PDE4D: variants seen among roughly 807,000 people sequenced by gnomAD.
PDE4D encodes 3',5'-cyclic-AMP phosphodiesterase 4D.
Under a neutral mutation model 87.4 loss-of-function variants are expected in PDE4D, and 24 were observed. The ratio of observed to expected loss-of-function variants is 0.27; its 90% CI spans 0.20 to 0.39. PDE4D has a LOEUF of 0.39. Among genes scored for constraint, PDE4D ranks in the 10% least tolerant of loss-of-function variants. The pLI, the probability that PDE4D is intolerant of heterozygous loss-of-function variation, is 1.00. For synonymous variants in PDE4D, 384 were observed against 383.2 expected (o/e 1.00, Z -0.02); for missense variants, 714 against 1,041.0 (o/e 0.69, Z 4.32).
intron 3 of PDE4D, among the ~76,000 whole-genome samples, chr5:59,958,013 CAAATT>C (rs1481775651): frequency 6.6e-6 from 1 of 152,054 alleles, no homozygotes; most frequent in Non-Finnish European, 1.5e-5. Context: ...TTTAAATAGA[CAAATT>C]AGAGCCTTTG....
chr5:59,244,559 C>CAT (rs1758375276), intron 1 of PDE4D, among the ~76,000 whole-genome samples: 1 of 148,666 alleles, frequency 6.7e-6, no homozygotes, highest in Non-Finnish European at 1.5e-5. Flanking sequence ...TATATGTATA[C>CAT]GTGTACACAC....
chr5:60,187,478 C>T (rs1427667009), intron 1 of PDE4D, among the ~76,000 whole-genome samples: 1 of 152,100 alleles, frequency 6.6e-6, no homozygotes, highest in Non-Finnish European at 1.5e-5. Flanking sequence ...AATTATTCAT[C>T]CAGGATTTAA....
intron 1 of PDE4D, among the ~76,000 whole-genome samples, chr5:59,418,055 A>C (rs1793904257): frequency 6.6e-6 from 1 of 152,178 alleles, no homozygotes; most frequent in Non-Finnish European, 1.5e-5. Flanking sequence ...ATTAGTTACC[A>C]CCTTATTACC....
intron 2 of PDE4D, among the ~76,000 whole-genome samples, chr5:59,202,565 G>T (rs1312152238): frequency 2.0e-5 from 3 of 151,724 alleles, no homozygotes; most frequent in African/African-American, 7.3e-5. Context: ...TTGAGATGGG[G>T]TTCTCATCTT....
At chr5:60,468,164 G>A (rs1355548422) in intron 1 of PDE4D, among the ~76,000 whole-genome samples, 2 of 86,430 alleles carry the variant, frequency 2.3e-5, no homozygotes, top group African/African-American at 7.2e-5. Flanking sequence ...TTTGAGACAA[G>A]GTCCTGCTCT....
chr5:59,627,965 T>C (rs192373659), intron 1 of PDE4D, among the ~76,000 whole-genome samples: 46 of 152,314 alleles, frequency 3.0e-4, no homozygotes, highest in Non-Finnish European at 4.7e-4. Context: ...CTTAAAGACA[T>C]GTTTCTCAAA....
chr5:60,514,915 CA>C (rs1316883641), intron 1 of PDE4D, among the ~76,000 whole-genome samples: 2 of 152,042 alleles, frequency 1.3e-5, no homozygotes, highest in Non-Finnish European at 2.9e-5. Flanking sequence ...TATTCTTAGA[CA>C]ATGTGATTGT....
At chr5:59,676,159 G>A (rs551728988) in intron 1 of PDE4D, among the ~76,000 whole-genome samples, 11 of 151,964 alleles carry the variant, frequency 7.2e-5, no homozygotes, top group Admixed American at 2.0e-4. Flanking sequence ...AATAGAATAC[G>A]TAAGTTCTAA....
intron 1 of PDE4D, among the ~76,000 whole-genome samples, chr5:59,698,749 G>A (rs553773969): frequency 1.3e-5 from 2 of 152,326 alleles, no homozygotes; most frequent in East Asian, 3.9e-4. Context: ...GATGACAGCA[G>A]TGAATCAACA....
intron 1 of PDE4D, among the ~76,000 whole-genome samples, chr5:59,511,644 A>G (rs1810296876): frequency 6.6e-6 from 1 of 152,078 alleles, no homozygotes; most frequent in South Asian, 2.1e-4. Flanking sequence ...AAATTCCTTA[A>G]AATGAGCTAT....
At chr5:59,156,887 T>C (rs1354497331) in intron 5 of PDE4D, among the ~76,000 whole-genome samples, 2 of 152,130 alleles carry the variant, frequency 1.3e-5, no homozygotes, top group African/African-American at 2.4e-5. Context: ...CTTTCTACCA[T>C]GTAATGCCTA....
At chr5:60,154,800 T>A (rs529235688) in intron 2 of PDE4D, among the ~76,000 whole-genome samples, 1 of 152,324 alleles carries the variant, frequency 6.6e-6, no homozygotes, top group East Asian at 1.9e-4. Flanking sequence ...TACTTTTGCC[T>A]GTTTTTGCAC....
At chr5:60,041,553 G>C (rs549646691) in intron 2 of PDE4D, among the ~76,000 whole-genome samples, 1 of 152,174 alleles carries the variant, frequency 6.6e-6, no homozygotes, top group Admixed American at 6.5e-5. Context: ...AGCTCCCAGC[G>C]AGACCAATGC....
chr5:60,058,540 C>T (rs1023635517), intron 2 of PDE4D, among the ~76,000 whole-genome samples: 5 of 151,804 alleles, frequency 3.3e-5, no homozygotes, highest in Non-Finnish European at 5.9e-5. Flanking sequence ...GTAATATCTC[C>T]AGAAAATGTA....
At chr5:59,311,927 C>A (rs1037411217) in intron 1 of PDE4D, among the ~76,000 whole-genome samples, 1 of 152,100 alleles carries the variant, frequency 6.6e-6, no homozygotes. Context: ...CCTGGAGACT[C>A]CTCTGCTGAT....
chr5:59,206,567 T>C (rs1748836699), intron 2 of PDE4D, among the ~76,000 whole-genome samples: 2 of 152,176 alleles, frequency 1.3e-5, no homozygotes, highest in South Asian at 2.1e-4. Context: ...CAAGTATTCA[T>C]ATGGGAATCT....
chr5:59,082,155 C>A (rs1359501571), intron 5 of PDE4D, among the ~76,000 whole-genome samples: 2 of 152,060 alleles, frequency 1.3e-5, no homozygotes, highest in Non-Finnish European at 2.9e-5. Context: ...TGAGAATGGC[C>A]TAATACAGTA....
chr5:59,557,338 C>G (rs1167670148), intron 1 of PDE4D, among the ~76,000 whole-genome samples: 1 of 152,184 alleles, frequency 6.6e-6, no homozygotes, highest in East Asian at 1.9e-4. Context: ...TCCATCACCC[C>G]CTACATTGGT....
At chr5:59,098,250 G>C (rs1770096321) in intron 5 of PDE4D, among the ~76,000 whole-genome samples, 1 of 152,126 alleles carries the variant, frequency 6.6e-6, no homozygotes, top group African/African-American at 2.4e-5. Context: ...AAGTTCCCAA[G>C]CTAGTTGGTA....
Sources: allele counts gnomAD v4.1 joint callset (sites outside exome capture counted in the v4.1 genomes callset), GRCh38; gene constraint gnomAD v4.1.1; transcripts MANE v1.5; gene names NCBI Gene and HGNC (gene_info 2026-07-23, HGNC 2026-07-21).